ZNF251: variants seen among roughly 807,000 people sequenced by gnomAD.
ZNF251 encodes the protein zinc finger protein 251.
ZNF251 carries 14 observed loss-of-function variants against 13.5 expected under a neutral mutation model. That is an observed-to-expected ratio of 1.04 (90% CI 0.69 to 1.63). The LOEUF is 1.63. ZNF251 is among the 40% of genes most tolerant of loss of function. The probability of loss-of-function intolerance (pLI) is 0.00; values close to 1 mark genes in which losing one functional copy is unlikely to be tolerated. For synonymous variants in ZNF251, 287 were observed against 295.2 expected (o/e 0.97, Z 0.28); for missense variants, 764 against 834.9 (o/e 0.92, Z 1.05).
chr8:144,753,100 T>C (rs922615365), intron 4 of ZNF251, among the ~76,000 whole-genome samples: 2 of 151,670 alleles, frequency 1.3e-5, no homozygotes, highest in African/African-American at 4.8e-5. Context: ...TGGTGAAACC[T>C]TGTCTCAACA....
intron 4 of ZNF251, among the ~76,000 whole-genome samples, chr8:144,729,089 G>GAAAAAAA (rs770516433): frequency 1.1e-5 from 1 of 91,614 alleles, no homozygotes; most frequent in Non-Finnish European, 2.1e-5. Flanking sequence ...TCCATCTATG[G>GAAAAAAA]AAAAAAAAAA....
At chr8:144,735,616 G>A (rs1039136173) in intron 4 of ZNF251, among the ~76,000 whole-genome samples, 6 of 152,028 alleles carry the variant, frequency 3.9e-5, no homozygotes, top group South Asian at 2.1e-4. Context: ...AAGCCTCACC[G>A]GGTGGGAAGG....
intron 4 of ZNF251, among the ~76,000 whole-genome samples, chr8:144,752,254 C>T (rs1195160598): frequency 6.6e-6 from 1 of 151,808 alleles, no homozygotes; most frequent in Non-Finnish European, 1.5e-5. Context: ...CATTCTTTTT[C>T]AGTGCACGTG....
chr8:144,735,630 G>T (rs532079763), intron 4 of ZNF251, among the ~76,000 whole-genome samples: 4 of 152,200 alleles, frequency 2.6e-5, no homozygotes, highest in African/African-American at 7.2e-5. Flanking sequence ...GGGAAGGACG[G>T]GCGCACTCGG....
chr8:144,722,169 G>A lies in ZNF251; in HGVS notation c.1491C>T (p.Ala497=). The change falls in exon 5 of 5, where the codon GCC becomes GCT. Residue 497 remains alanine (A), a synonymous_variant. Coordinates refer to ENST00000292562, the MANE Select transcript of ZNF251 (RefSeq NM_138367.2). This position sits in a 1 kb window ranked among gnomAD's most constrained non-coding sequence, Gnocchi z 4.8. ...KPYDCGDCGK[A]FSRRSTLIQH... is the part of the protein sequence containing the mutation. ...GAATGAGGGTTGACCTCCGGCTGAA[G>A]GCCTTCCCACAGTCACCACAGTCAT... The A allele has an allele frequency of 6.2e-7, 1 of 1,614,144 alleles. No homozygotes were observed. The highest frequency in any genetic ancestry group is 8.5e-7 in the Non-Finnish European group (1 of 1,180,020).
rs1055076950 is a variant in ZNF251, at chr8:144,721,490, T to C, written c.*154A>G. 30 of 764,426 alleles carry C rather than the reference T, an allele frequency of 3.9e-5. No homozygotes were observed. Among genetic ancestry groups the C allele is most frequent in the Non-Finnish European group, 4.8e-5 (27 of 558,954 alleles). 47.4% of individuals were successfully genotyped at this position (764,426 alleles called of 1,614,324 possible). On this transcript the variant is annotated 3_prime_UTR_variant, in exon 5 of 5. Transcript: ENST00000292562. ...ATTTCCCAGAATGAATTCTCGTGTT[T>C]ACTTCCAGATTTAATGACTTTGACT...
At position 144,754,226 on chromosome 8, in the gene ZNF251, C is replaced by T. The variant is rs1824842041; in HGVS notation, c.129G>A (p.Val43=). Residue 43 remains valine (V), a synonymous_variant, in exon 3 of 5, where the codon GTG becomes GTA. Transcript: ENST00000292562. The part of the protein sequence containing the change: ...GPQQRALYRD[V]MLENYGNVAS... ...CCACGTTCCCATAGTTCTCCAGCAT[C>T]ACATCCCGGTAGAGCGCCCGCTGCT... The T allele has an allele frequency of 1.2e-6, 2 of 1,613,970 alleles. No homozygotes were observed. Among genetic ancestry groups the T allele is most frequent in the African/African-American group, 2.7e-5 (2 of 74,944 alleles).
chr8:144,722,111 T>G lies in ZNF251; in HGVS notation c.1549A>C (p.Lys517Gln). Residue 517 changes from lysine (K) to glutamine (Q), a missense_variant, in exon 5 of 5, where the codon AAG (lysine) becomes CAG (glutamine). Transcript: ENST00000292562. This position sits in a 1 kb window ranked among gnomAD's most constrained non-coding sequence, Gnocchi z 4.8. ...HQKVHSGETR[K>Q]CRKHGPAFVH... ...AAGGCTGGACCATGTTTTCTGCACTTACGAGTCTCTCCGCTGTGAACTTTC... is the reference window on the plus strand; with the variant it reads ...AAGGCTGGACCATGTTTTCTGCACTGACGAGTCTCTCCGCTGTGAACTTTC... 1 of 1,613,988 alleles carries G rather than the reference T, an allele frequency of 6.2e-7. No individual in the cohort carries two copies. The highest frequency in any genetic ancestry group is 1.3e-5 in the African/African-American group (1 of 75,026).
chr8:144,741,468 C>A (rs186477927), intron 4 of ZNF251, among the ~76,000 whole-genome samples: 2 of 152,308 alleles, frequency 1.3e-5, no homozygotes, highest in African/African-American at 4.8e-5. Context: ...CCAAAATTAA[C>A]AAACACATAA....
intron 4 of ZNF251, among the ~76,000 whole-genome samples, chr8:144,724,855 A>G (rs950826648): frequency 3.3e-5 from 5 of 152,374 alleles, no homozygotes; most frequent in African/African-American, 1.2e-4. Context: ...ACATAGATAT[A>G]TATGTAAGAT....
intron 4 of ZNF251, among the ~76,000 whole-genome samples, chr8:144,749,884 CTTTTTTTTTT>C (rs58426780): frequency 4.4e-4 from 57 of 128,376 alleles, no homozygotes; most frequent in African/African-American, 1.7e-3. Context: ...TCTTTTTTTT[CTTTTTTTTTT>C]TTTTTTAAGA....
intron 4 of ZNF251, among the ~76,000 whole-genome samples, chr8:144,753,085 C>T (rs1363647943): frequency 1.3e-5 from 2 of 151,634 alleles, no homozygotes; most frequent in Non-Finnish European, 2.9e-5. Flanking sequence ...CCAGTTTGGG[C>T]AACGTGGTGA....
chr8:144,732,786 T>C (rs1319157594), intron 4 of ZNF251, among the ~76,000 whole-genome samples: 1 of 134,372 alleles, frequency 7.4e-6, no homozygotes, highest in Non-Finnish European at 1.5e-5. Flanking sequence ...CACTCCAGCC[T>C]GGGCGACAGA....
intron 4 of ZNF251, among the ~76,000 whole-genome samples, chr8:144,750,040 C>A (rs974711565): frequency 6.6e-6 from 1 of 152,020 alleles, no homozygotes; most frequent in African/African-American, 2.4e-5. Context: ...CTTTTGCTTA[C>A]ATTATCAATC....
At chr8:144,735,040 C>A (rs1030139852) in intron 4 of ZNF251, among the ~76,000 whole-genome samples, 1 of 148,230 alleles carries the variant, frequency 6.7e-6, no homozygotes, top group African/African-American at 2.5e-5. Flanking sequence ...CACCACTGCA[C>A]TCCAGCCAGG....
At position 144,723,145 on chromosome 8, in the gene ZNF251, C is replaced by T; in HGVS notation, c.515G>A (p.Arg172Lys). The T allele has an allele frequency of 6.2e-7, 1 of 1,613,412 alleles. No individual in the cohort carries two copies. Reference sequence around the variant, plus strand: ...GGTTCTTTCTCCCAAAGATCTTTCCCTGCCCACGGTAGCTTCTGTTAAAAC... The same window carrying T: ...GGTTCTTTCTCCCAAAGATCTTTCCTTGCCCACGGTAGCTTCTGTTAAAAC... Reference protein sequence around the residue: ...KRVLTEATVGRERSLGERTQE... With the variant: ...KRVLTEATVGKERSLGERTQE... The change falls in exon 5 of 5, where the codon AGG (arginine) becomes AAG (lysine). Residue 172 changes from arginine (R) to lysine (K), a missense_variant. Physicochemically the swap from Arg to Lys is conservative, Grantham distance 26 (BLOSUM62 2). Coordinates refer to ENST00000292562, the MANE Select transcript of ZNF251 (RefSeq NM_138367.2).
chr8:144,721,668 C>T lies in ZNF251; in HGVS notation c.1992G>A (p.Lys664=). 7.5e-7 allele frequency: 1 copy of T among 1,341,744 alleles called. No individual in the cohort carries two copies. The highest frequency in any genetic ancestry group is 9.6e-7 in the Non-Finnish European group (1 of 1,036,716). The allele number at this position is 1,341,744 out of a possible 1,614,324, so 83.1% of individuals were successfully genotyped here. The change falls in exon 5 of 5, where the codon AAG becomes AAA. Residue 664 remains lysine (K), a synonymous_variant. Coordinates refer to ENST00000292562, the MANE Select transcript of ZNF251 (RefSeq NM_138367.2). ...GSKRYFIHIK[K]IFQERHF ...ATTAAAAATGTCTTTCTTGGAAAAT[C>T]TTCTTGATATGAATAAAGTATCTTT...
At chr8:144,748,180 T>A (rs893884880) in intron 4 of ZNF251, among the ~76,000 whole-genome samples, 1 of 151,992 alleles carries the variant, frequency 6.6e-6, no homozygotes, top group African/African-American at 2.4e-5. Context: ...TTCAAGTGAT[T>A]CTCCTGTCTT....
At chr8:144,740,443 C>G (rs967871208) in intron 4 of ZNF251, among the ~76,000 whole-genome samples, 1 of 151,842 alleles carries the variant, frequency 6.6e-6, no homozygotes, top group Non-Finnish European at 1.5e-5. Context: ...TCGAGACCAC[C>G]CTGGCCAACA....
Sources: allele counts gnomAD v4.1 joint callset (sites outside exome capture counted in the v4.1 genomes callset), GRCh38; gene constraint gnomAD v4.1.1; non-coding constraint Gnocchi (gnomAD v3.1); transcripts MANE v1.5; gene names NCBI Gene and HGNC (gene_info 2026-07-23, HGNC 2026-07-21).